KALRN: variants seen among roughly 807,000 people sequenced by gnomAD.
KALRN encodes the protein kalirin RhoGEF kinase.
In KALRN, 70 loss-of-function variants were observed where a neutral mutation model predicts 353.7. The observed-to-expected ratio is 0.20, with a 90% CI of 0.16 to 0.24. KALRN has a LOEUF of 0.24. Ranked by LOEUF, KALRN falls within the 10% of genes least tolerant of loss-of-function variation. KALRN has a pLI of 1.00. For missense variants in KALRN, 2,791 were observed against 3,756.7 expected, an observed-to-expected ratio of 0.74 and a Z score of 6.72; for synonymous variants, 1,391 against 1,434.8, an observed-to-expected ratio of 0.97 and a Z score of 0.69.
chr3:124,605,626 C>CACTGT (rs71145462), intron 34 of KALRN, among the ~76,000 whole-genome samples: 89,643 of 150,436 alleles, frequency 0.6, 26,922 homozygotes, highest in East Asian at 0.83. Context: ...AGTTTCATCC[C>CACTGT]ACTGTGGTCC....
At chr3:124,587,567 T>C (rs2075320405) in intron 34 of KALRN, among the ~76,000 whole-genome samples, 1 of 152,210 alleles carries the variant, frequency 6.6e-6, no homozygotes, top group Non-Finnish European at 1.5e-5. Context: ...AGGATTTAGA[T>C]AAAGTACCTG....
chr3:124,630,406 G>A (rs1160250833), intron 34 of KALRN, among the ~76,000 whole-genome samples: 1 of 151,996 alleles, frequency 6.6e-6, no homozygotes, highest in East Asian at 1.9e-4. Flanking sequence ...TTGTTTGTTT[G>A]TTTGTTTTGA....
At chr3:124,227,898 T>C (rs1021274237) in intron 1 of KALRN, 92 bp from the exon 2 acceptor site, 14 of 1,011,890 alleles carry the variant, frequency 1.4e-5, no homozygotes, top group Non-Finnish European at 1.9e-5. Flanking sequence ...ACTTGCCGGC[T>C]GATGATGGGA....
intron 18 of KALRN, among the ~76,000 whole-genome samples, chr3:124,440,067 C>CT (rs1296051370): frequency 6.6e-6 from 1 of 152,030 alleles, no homozygotes; most frequent in Non-Finnish European, 1.5e-5. Context: ...AAGCTGGCCT[C>CT]TCCCTGCCCT....
rs2063338472 is a variant in KALRN at position 124,720,705 on chromosome 3, T to A, written c.*1235T>A. On this transcript the variant is annotated 3_prime_UTR_variant, in exon 60 of 60. Coordinates refer to ENST00000682506, the MANE Select transcript of KALRN (RefSeq NM_001388419.1). ...AGTTCTCTGAACTAAAAGGACTAAT[T>A]GTACTTTGAGGCCAATGCTGCTTTC... 1 of 152,390 alleles carries A rather than the reference T, an allele frequency of 6.6e-6. No individual in the cohort carries two copies. Among genetic ancestry groups the A allele is most frequent in the Non-Finnish European group, 1.5e-5 (1 of 68,032 alleles). The allele number at this position is 152,390 out of a possible 1,614,324, so 9.4% of individuals were successfully genotyped here.
intron 18 of KALRN, 71 bp from the exon 19 acceptor site, chr3:124,441,874 T>A: frequency 4.9e-6 from 4 of 814,580 alleles, no homozygotes; most frequent in Non-Finnish European, 7.4e-6. Context: ...GGAAGGAGGG[T>A]ATGCCTTCTC....
chr3:124,170,870 T>A (rs1045646938), intron 1 of KALRN, among the ~76,000 whole-genome samples: 1 of 115,422 alleles, frequency 8.7e-6, no homozygotes, highest in Admixed American at 9.7e-5. Flanking sequence ...TTTTTTTTTT[T>A]GAGACATGGT....
At chr3:124,598,374 C>T (rs1017574403) in intron 34 of KALRN, among the ~76,000 whole-genome samples, 1 of 152,166 alleles carries the variant, frequency 6.6e-6, no homozygotes, top group Non-Finnish European at 1.5e-5. Context: ...GAAGGTTGAC[C>T]TGAAGCCAGA....
In KALRN at chr3:124,655,674, A is replaced by G. The variant is rs969765039; in HGVS notation, c.5862+7A>G. The G allele has an allele frequency of 1.2e-6, 2 of 1,612,852 alleles. No individual in the cohort carries two copies. Among genetic ancestry groups the G allele is most frequent in the African/African-American group, 1.3e-5 (1 of 75,044 alleles). On this transcript the variant is annotated splice_region_variant and intron_variant, in intron 39 of 59. Coordinates refer to ENST00000682506, the MANE Select transcript of KALRN (RefSeq NM_001388419.1). ...TCTGGGCATTGTGGTGGAGGTAAGT[A>G]GAGGGTTCCAGGTGGGTCTGTGGTC...
chr3:124,559,217 G>A (rs1479030319), intron 33 of KALRN, among the ~76,000 whole-genome samples: 1 of 152,182 alleles, frequency 6.6e-6, no homozygotes, highest in Admixed American at 6.5e-5. Context: ...CTGCCCCTCT[G>A]GGAAGCATTG....
intron 34 of KALRN, among the ~76,000 whole-genome samples, chr3:124,563,816 A>G (rs2072368389): frequency 6.6e-6 from 1 of 152,082 alleles, no homozygotes; most frequent in Admixed American, 6.5e-5. Flanking sequence ...CAGCCTGGGC[A>G]ACTTAGTGAG....
intron 34 of KALRN, among the ~76,000 whole-genome samples, chr3:124,596,225 T>TGTAATCCCAGCACTTTGGGAGAG (rs2076253062): frequency 1.3e-5 from 2 of 149,260 alleles, no homozygotes; most frequent in Non-Finnish European, 3.0e-5. Context: ...AGCTCATGTC[T>TGTAATCCCAGCACTTTGGGAGAG]GTAATCCCAG....
At chr3:124,542,329 A>C (rs2109345408) in intron 33 of KALRN, among the ~76,000 whole-genome samples, 1 of 152,314 alleles carries the variant, frequency 6.6e-6, no homozygotes, top group Middle Eastern at 3.4e-3. Context: ...AGCAACTTTG[A>C]GCCTCAAATT....
chr3:124,718,468 G>A (rs1277708832), intron 59 of KALRN, among the ~76,000 whole-genome samples: 1 of 152,112 alleles, frequency 6.6e-6, no homozygotes, highest in African/African-American at 2.4e-5. Context: ...CACAATTTAA[G>A]TGTATCATCC....
intron 1 of KALRN, among the ~76,000 whole-genome samples, chr3:124,038,498 G>A (rs1192452832): frequency 2.6e-5 from 4 of 152,162 alleles, no homozygotes; most frequent in African/African-American, 9.7e-5. Context: ...AGGCTAGAAC[G>A]AGTGTAGAGT....
intron 34 of KALRN, among the ~76,000 whole-genome samples, chr3:124,586,663 A>C (rs1466964031): frequency 6.6e-6 from 1 of 152,170 alleles, no homozygotes; most frequent in Non-Finnish European, 1.5e-5. Flanking sequence ...TGAAAAGGCT[A>C]GCGACCCTCA....
At chr3:124,403,916 C>A (rs1053803427) in intron 13 of KALRN, among the ~76,000 whole-genome samples, 5 of 152,092 alleles carry the variant, frequency 3.3e-5, no homozygotes, top group African/African-American at 1.2e-4. Flanking sequence ...AGATGCTTAG[C>A]CCAGTCAGGA....
intron 1 of KALRN, among the ~76,000 whole-genome samples, chr3:124,158,056 G>C (rs1056313013): frequency 6.6e-6 from 1 of 152,204 alleles, no homozygotes; most frequent in Non-Finnish European, 1.5e-5. Context: ...TCCTAGGATA[G>C]ACTGGTCTAC....
chr3:124,689,976 T>C (rs190571277), intron 51 of KALRN, among the ~76,000 whole-genome samples: 1 of 152,290 alleles, frequency 6.6e-6, no homozygotes, highest in Non-Finnish European at 1.5e-5. Flanking sequence ...AGATCACTAT[T>C]GGCTACATCT....
Sources: gnomAD v4.1 joint callset for allele counts (sites outside exome capture counted in the v4.1 genomes callset) on GRCh38, gnomAD v4.1.1 for gene constraint, MANE v1.5 for transcripts, NCBI Gene and HGNC (gene_info 2026-07-23, HGNC 2026-07-21) for gene names.